Variants in SEMA6D observed in about 807,000 individuals in gnomAD.
The protein encoded by SEMA6D is semaphorin 6D.
SEMA6D carries 35 observed loss-of-function variants against 106.6 expected under a neutral mutation model. The ratio of observed to expected loss-of-function variants is 0.33; its 90% CI spans 0.25 to 0.44. The LOEUF (loss-of-function observed/expected upper bound fraction) is 0.44, where lower values mean the gene tolerates loss of function less well. Among genes scored for constraint, SEMA6D ranks in the 20% least tolerant of loss-of-function variants. The pLI is 1.00. For synonymous variants in SEMA6D, 499 were observed against 487.7 expected, an observed-to-expected ratio of 1.02 and a Z score of -0.31; for missense variants, 1,185 against 1,345.9, an observed-to-expected ratio of 0.88 and a Z score of 1.87.
At chr15:47,691,999 T>C (rs548509423) in intron 4 of SEMA6D, among the ~76,000 whole-genome samples, 28 of 152,272 alleles carry the variant, frequency 1.8e-4, no homozygotes, top group African/African-American at 6.0e-4. Flanking sequence ...AACTGCTCTA[T>C]GCAAAGAGCA....
At chr15:47,419,916 A>G (rs1471697811) in intron 2 of SEMA6D, among the ~76,000 whole-genome samples, 1 of 152,112 alleles carries the variant, frequency 6.6e-6, no homozygotes, top group Non-Finnish European at 1.5e-5. Context: ...CTGATCTGCC[A>G]TGGTGCAATA....
rs374759085 is a variant in SEMA6D at position 47,320,401 on chromosome 15, T to G, written c.-238-91992T>G. On this transcript the variant is annotated intron_variant, in intron 1 of 19. Transcript: ENST00000558014. Reference sequence around the variant, plus strand: ...AGTGTTCTGATTTTGTTTTGCCTATTGTCCCTGTTCCTTATTTTATCAGTG... The same window carrying G: ...AGTGTTCTGATTTTGTTTTGCCTATGGTCCCTGTTCCTTATTTTATCAGTG... 1.3e-5 allele frequency among the ~76,000 whole-genome samples: 2 copies of G among 151,606 alleles called. 1 individual carries two copies. Among genetic ancestry groups the G allele is most frequent in the South Asian group, 4.2e-4 (2 of 4,762 alleles).
intron 4 of SEMA6D, among the ~76,000 whole-genome samples, chr15:47,627,919 T>C (rs2077230483): frequency 6.6e-6 from 1 of 152,116 alleles, no homozygotes. Flanking sequence ...AAGAATGTTG[T>C]ATAAATAAAA....
chr15:47,446,936 G>A (rs2042045357), intron 2 of SEMA6D, among the ~76,000 whole-genome samples: 1 of 152,126 alleles, frequency 6.6e-6, no homozygotes, highest in East Asian at 1.9e-4. Context: ...AAAACCTTCA[G>A]TGATTTCTGT....
intron 3 of SEMA6D, among the ~76,000 whole-genome samples, chr15:47,566,665 A>G (rs941154315): frequency 1.3e-5 from 2 of 152,260 alleles, no homozygotes; most frequent in Non-Finnish European, 1.5e-5. Flanking sequence ...TACCACTTAC[A>G]GATTGCATGA....
chr15:47,688,725 A>G (rs1566988204), intron 4 of SEMA6D, among the ~76,000 whole-genome samples: 2 of 152,218 alleles, frequency 1.3e-5, no homozygotes, highest in African/African-American at 4.8e-5. Flanking sequence ...CCGTTTCATA[A>G]TGTAACCTGG....
intron 4 of SEMA6D, among the ~76,000 whole-genome samples, chr15:47,650,927 T>C (rs1429259728): frequency 2.6e-5 from 4 of 152,204 alleles, no homozygotes; most frequent in African/African-American, 9.7e-5. Context: ...ATTGATTCAT[T>C]AGACCAGTCA....
chr15:47,474,427 T>TTG (rs374132543), intron 3 of SEMA6D, among the ~76,000 whole-genome samples: 311 of 152,340 alleles, frequency 2.0e-3, no homozygotes, highest in African/African-American at 7.2e-3. Context: ...AACTACACTT[T>TTG]TATTTCTAGG....
chr15:47,618,125 C>A (rs2144107096), intron 4 of SEMA6D, among the ~76,000 whole-genome samples: 1 of 152,294 alleles, frequency 6.6e-6, no homozygotes, highest in Non-Finnish European at 1.5e-5. Context: ...GGGCTTTAAT[C>A]CTCTGTCTGT....
At chr15:47,360,590 A>G (rs1271128522) in intron 1 of SEMA6D, among the ~76,000 whole-genome samples, 1 of 152,206 alleles carries the variant, frequency 6.6e-6, no homozygotes, top group Non-Finnish European at 1.5e-5. Flanking sequence ...AAGGTGAGAA[A>G]ATTGATCAGG....
intron 1 of SEMA6D, among the ~76,000 whole-genome samples, chr15:47,238,496 T>C (rs779157987): frequency 2.0e-5 from 3 of 152,166 alleles, no homozygotes; most frequent in Non-Finnish European, 4.4e-5. Context: ...CTTGGTACTA[T>C]AATACGAATT....
chr15:47,297,817 C>T (rs1181630500), intron 1 of SEMA6D, among the ~76,000 whole-genome samples: 1 of 151,946 alleles, frequency 6.6e-6, no homozygotes, highest in East Asian at 1.9e-4. Flanking sequence ...AAGGTGAATA[C>T]AAGGAGCCGG....
chr15:47,250,579 T>G (rs2033463041), intron 1 of SEMA6D, among the ~76,000 whole-genome samples: 1 of 152,222 alleles, frequency 6.6e-6, no homozygotes. Context: ...TTTCAAACAT[T>G]TGGAAATTGT....
intron 1 of SEMA6D, among the ~76,000 whole-genome samples, chr15:47,289,393 CAAAAAAAAA>C (rs746946975): frequency 4.3e-5 from 2 of 46,558 alleles, no homozygotes; most frequent in Admixed American, 5.0e-4. Flanking sequence ...AACTCCATCT[CAAAAAAAAA>C]AAAAAAAAAA....
chr15:47,725,366 G>A (rs1279936063), intron 1 of SEMA6D, among the ~76,000 whole-genome samples: 1 of 152,200 alleles, frequency 6.6e-6, no homozygotes, highest in African/African-American at 2.4e-5. Flanking sequence ...AAAGGAATGA[G>A]GTTGGAGCTA....
chr15:47,730,097 ATTATT>A (rs1380497953), intron 1 of SEMA6D: 26 of 788,256 alleles, frequency 3.3e-5, no homozygotes, highest in Non-Finnish European at 4.9e-5. Context: ...GAAAATTTAT[ATTATT>A]TTAATTATTT....
chr15:47,764,567 T>C, intron 11 of SEMA6D, 71 bp from the exon 12 acceptor site: 5 of 1,579,290 alleles, frequency 3.2e-6, no homozygotes, highest in Non-Finnish European at 4.3e-6. Flanking sequence ...AATATACACT[T>C]ATTCCTTAGA....
intron 3 of SEMA6D, among the ~76,000 whole-genome samples, chr15:47,578,110 C>T (rs1229997974): frequency 6.6e-5 from 10 of 152,114 alleles, no homozygotes; most frequent in Admixed American, 6.6e-4. Context: ...AGAAAGTGAG[C>T]TACAGAGGTC....
intron 1 of SEMA6D, among the ~76,000 whole-genome samples, chr15:47,277,443 C>A (rs940665054): frequency 6.6e-6 from 1 of 151,976 alleles, no homozygotes; most frequent in African/African-American, 2.4e-5. Flanking sequence ...AGCAAATCAT[C>A]ACCCTGATCA....
Sources: gnomAD v4.1 joint callset for allele counts (sites outside exome capture counted in the v4.1 genomes callset) on GRCh38, gnomAD v4.1.1 for gene constraint, MANE v1.5 for transcripts, NCBI Gene and HGNC (gene_info 2026-07-23, HGNC 2026-07-21) for gene names.